The following FGF7 variants were observed in gnomAD, a reference collection of about 807,000 sequenced individuals.
FGF7 encodes fibroblast growth factor 7.
FGF7 carries 6 observed loss-of-function variants against 20.5 expected under a neutral mutation model. The ratio of observed to expected loss-of-function variants is 0.29; its 90% CI spans 0.16 to 0.58. The LOEUF (loss-of-function observed/expected upper bound fraction) is 0.58, where lower values mean the gene tolerates loss of function less well. FGF7 is among the 20% of genes least tolerant of loss of function. The probability of loss-of-function intolerance (pLI) is 0.90; values close to 1 mark genes in which losing one functional copy is unlikely to be tolerated. For synonymous variants in FGF7, 64 were observed against 74.7 expected, an observed-to-expected ratio of 0.86 and a Z score of 0.74; for missense variants, 144 against 228.8, an observed-to-expected ratio of 0.63 and a Z score of 2.39.
intron 2 of FGF7, among the ~76,000 whole-genome samples, chr15:49,441,668 T>C (rs1276381813): frequency 6.6e-6 from 1 of 151,736 alleles, no homozygotes; most frequent in East Asian, 1.9e-4. Flanking sequence ...TCATTTCATA[T>C]GTTCAGCCTC....
At chr15:49,424,944 A>G (rs917233864) in intron 2 of FGF7, 20 of 157,940 alleles carry the variant, frequency 1.3e-4, no homozygotes, top group African/African-American at 4.3e-4. Flanking sequence ...TTCATAAATT[A>G]TCACTAAAAG....
intron 2 of FGF7, among the ~76,000 whole-genome samples, chr15:49,455,430 T>C (rs556158623): frequency 6.5e-4 from 99 of 152,164 alleles, no homozygotes; most frequent in Non-Finnish European, 1.2e-3. Context: ...TTCAAACAAA[T>C]TGTATGTTTT....
rs548306069 is a variant in FGF7 at position 49,476,758 on chromosome 15, C to CA, written c.287-6385dup. ...GTATTTTAGAACACTTTTAGATTTACAAAAAAAATTGAGCAGATAGGCCAG... is the reference window on the plus strand; with the variant it reads ...GTATTTTAGAACACTTTTAGATTTACAAAAAAAAATTGAGCAGATAGGCCAG... On this transcript the variant is annotated intron_variant, in intron 2 of 3. Coordinates refer to ENST00000267843, the MANE Select transcript of FGF7 (RefSeq NM_002009.4). 3.3e-5 allele frequency among the ~76,000 whole-genome samples: 5 copies of CA among 151,860 alleles called. 1 individual carries two copies. In the South Asian group the frequency reaches 1.0e-3, roughly 32 times the overall value.
chr15:49,480,667 G>A (rs1790677456), intron 2 of FGF7, among the ~76,000 whole-genome samples: 1 of 151,938 alleles, frequency 6.6e-6, no homozygotes, highest in Non-Finnish European at 1.5e-5. Flanking sequence ...ATTTTTAGTA[G>A]AAACGGGGTT....
At chr15:49,476,786 G>A (rs1232983168) in intron 2 of FGF7, among the ~76,000 whole-genome samples, 15 of 152,150 alleles carry the variant, frequency 9.9e-5, no homozygotes, top group African/African-American at 2.7e-4. Flanking sequence ...TAGGCCAGGC[G>A]TGGTGGCTCA....
At chr15:49,427,671 T>C (rs2050242968) in intron 2 of FGF7, among the ~76,000 whole-genome samples, 1 of 152,070 alleles carries the variant, frequency 6.6e-6, no homozygotes, top group South Asian at 2.1e-4. Flanking sequence ...AGAATGTCAA[T>C]AGGCTTCAGA....
At chr15:49,429,988 C>T (rs2050453451) in intron 2 of FGF7, among the ~76,000 whole-genome samples, 1 of 151,888 alleles carries the variant, frequency 6.6e-6, no homozygotes, top group South Asian at 2.1e-4. Context: ...GGGAATGTTT[C>T]AGACCCTGTA....
Position 49,487,973 on chromosome 15 carries a change from C to T in FGF7, c.*3469C>T, listed in dbSNP as rs1309444975. The T allele has an allele frequency of 1.3e-5, 2 of 151,932 alleles. No homozygotes were observed. The highest frequency in any genetic ancestry group is 1.9e-4 in the East Asian group (1 of 5,196). The allele number at this position is 151,932 out of a possible 1,614,324, so 9.4% of individuals were successfully genotyped here. A position where few individuals can be genotyped will look rare whatever the true frequency, so the allele number is the denominator to read the frequency against. ...TTGCCTCCCATAATCCAACTTTACA[C>T]ATAAATAACACAAGGCTAAAGAAAA... On this transcript the variant is annotated 3_prime_UTR_variant, in exon 4 of 4. Coordinates refer to ENST00000267843, the MANE Select transcript of FGF7 (RefSeq NM_002009.4).
intron 2 of FGF7, among the ~76,000 whole-genome samples, chr15:49,476,217 G>C (rs55680283): frequency 2.0e-5 from 2 of 100,546 alleles, no homozygotes; most frequent in Non-Finnish European, 4.4e-5. Context: ...TTGCTGTTTT[G>C]TTTTTTTGTT....
intron 2 of FGF7, among the ~76,000 whole-genome samples, chr15:49,449,591 T>C (rs910690549): frequency 6.6e-6 from 1 of 152,042 alleles, no homozygotes; most frequent in African/African-American, 2.4e-5. Flanking sequence ...ATACTTCTAT[T>C]AAGGCAGCCA....
chr15:49,469,879 A>T (rs2054582102), intron 2 of FGF7, among the ~76,000 whole-genome samples: 1 of 152,170 alleles, frequency 6.6e-6, no homozygotes, highest in Non-Finnish European at 1.5e-5. Flanking sequence ...CAAACTCAAA[A>T]TGAGAAATGG....
rs1363384529 is a variant in FGF7 at position 49,488,348 on chromosome 15, G to C, written c.*3844G>C. The C allele has an allele frequency of 2.0e-5, 3 of 151,930 alleles. No homozygotes were observed. The allele number at this position is 151,930 out of a possible 1,614,324, so 9.4% of individuals were successfully genotyped here. A position where few individuals can be genotyped will look rare whatever the true frequency, so the allele number is the denominator to read the frequency against. On this transcript the variant is annotated 3_prime_UTR_variant, in exon 4 of 4. Coordinates refer to ENST00000267843, the MANE Select transcript of FGF7 (RefSeq NM_002009.4). ...TCAATGAAGGTCACTTGTTCCTTCA[G>C]GGACACATATACTCCCACCTATCCT...
intron 2 of FGF7, 35 bp from the exon 3 acceptor site, chr15:49,483,116 G>A (rs372450880): frequency 1.6e-5 from 19 of 1,163,168 alleles, no homozygotes; most frequent in African/African-American, 7.5e-5. Flanking sequence ...AAAACTGAAC[G>A]AATATTTGAC....
chr15:49,459,471 A>G (rs1395090377), intron 2 of FGF7, among the ~76,000 whole-genome samples: 1 of 151,402 alleles, frequency 6.6e-6, no homozygotes, highest in African/African-American at 2.5e-5. Flanking sequence ...TTGAGATATA[A>G]GAGTGAAAAG....
At chr15:49,428,466 C>T (rs1285713995) in intron 2 of FGF7, among the ~76,000 whole-genome samples, 3 of 151,890 alleles carry the variant, frequency 2.0e-5, no homozygotes, top group East Asian at 1.9e-4. Context: ...CAGAACTCTC[C>T]CCATGGGGAC....
intron 2 of FGF7, among the ~76,000 whole-genome samples, chr15:49,438,972 A>C (rs1418227864): frequency 6.6e-6 from 1 of 151,692 alleles, no homozygotes; most frequent in African/African-American, 2.4e-5. Context: ...AGCTTAAAAC[A>C]GTATTTATTA....
Position 49,435,290 on chromosome 15 carries a change from G to T in FGF7, c.286+10707G>T, listed in dbSNP as rs115842247. Among the ~76,000 whole-genome samples, 845 of 151,620 alleles carry T rather than the reference G, an allele frequency of 5.6e-3. 6 individuals are homozygous for T. The highest frequency in any genetic ancestry group is 0.019 in the African/African-American group (805 of 41,454). On this transcript the variant is annotated intron_variant, in intron 2 of 3. Transcript: ENST00000267843. The stretch of plus-strand genomic sequence containing the variant: ...TTCCCTAACAGTTTCTAAAATGTGA[G>T]AAAAATAATTTTGAGTCATATGTTT...
At chr15:49,445,307 T>C (rs183621810) in intron 2 of FGF7, among the ~76,000 whole-genome samples, 49 of 151,780 alleles carry the variant, frequency 3.2e-4, no homozygotes, top group Non-Finnish European at 6.5e-4. Flanking sequence ...GTTTGTATTG[T>C]TGCCATTTTT....
intron 2 of FGF7, among the ~76,000 whole-genome samples, chr15:49,466,363 G>A (rs1294498630): frequency 6.6e-6 from 1 of 152,196 alleles, no homozygotes; most frequent in African/African-American, 2.4e-5. Context: ...AGAGCAGGTA[G>A]AGACTGACAT....
Sources: allele counts gnomAD v4.1 joint callset (sites outside exome capture counted in the v4.1 genomes callset), GRCh38; gene constraint gnomAD v4.1.1; transcripts MANE v1.5; gene names NCBI Gene and HGNC (gene_info 2026-07-23, HGNC 2026-07-21).